Variants in HHIP observed in about 807,000 individuals in gnomAD.
The protein encoded by HHIP is hedgehog interacting protein.
A neutral mutation model predicts 74.0 loss-of-function variants in HHIP; 12 were observed. The observed-to-expected ratio is 0.16, with a 90% CI of 0.10 to 0.26. The LOEUF (loss-of-function observed/expected upper bound fraction) is 0.26. Among genes scored for constraint, HHIP ranks in the 10% least tolerant of loss-of-function variants. The pLI is 1.00. For synonymous variants in HHIP, 309 were observed against 311.6 expected (o/e 0.99, Z 0.09); for missense variants, 788 against 845.0 (o/e 0.93, Z 0.84).
rs1300251965 is a variant in HHIP, at chr4:144,734,829, T to A, written c.1849T>A (p.Cys617Ser). Residue 617 changes from cysteine (C) to serine (S), a missense_variant, in exon 12 of 13, where the codon TGC becomes AGC. Cys to Ser is a moderately radical substitution (Grantham distance 112). Coordinates refer to ENST00000296575, the MANE Select transcript of HHIP (RefSeq NM_022475.3). ...ECSRLCRNGYCTPTGKCCCSP... is the reference protein window; with the variant it reads ...ECSRLCRNGYSTPTGKCCCSP... ...CTCCAGGCTCTGTCGAAACGGCTAC[T>A]GCACCCCCACGGGAAAGTGCTGCTG... The A allele has an allele frequency of 6.2e-7, 1 of 1,613,080 alleles. No homozygotes were observed. The highest frequency in any genetic ancestry group is 1.1e-5 in the South Asian group (1 of 90,974).
At chr4:144,662,798 G>A (rs1335200811) in intron 4 of HHIP, among the ~76,000 whole-genome samples, 10 of 152,286 alleles carry the variant, frequency 6.6e-5, no homozygotes, top group African/African-American at 2.2e-4. Flanking sequence ...TCTCCAGAAA[G>A]AAACACTTCT....
chr4:144,665,839 C>T (rs1452236902), intron 4 of HHIP, among the ~76,000 whole-genome samples: 1 of 152,206 alleles, frequency 6.6e-6, no homozygotes, highest in African/African-American at 2.4e-5. Context: ...GCCCTGCCTT[C>T]TCCTAAATTT....
At chr4:144,656,935 C>T (rs868211546) in intron 2 of HHIP, among the ~76,000 whole-genome samples, 3 of 151,944 alleles carry the variant, frequency 2.0e-5, no homozygotes, top group African/African-American at 7.3e-5. Context: ...AATAACTTTC[C>T]AATTGCCTTG....
rs1731314719 is a variant in HHIP, at chr4:144,743,358, G to C, written c.*5401G>C. 6.6e-6 allele frequency: 1 copy of C among 151,512 alleles called. No homozygotes were observed. Among genetic ancestry groups the C allele is most frequent in the Admixed American group, 6.6e-5 (1 of 15,180 alleles). 9.4% of individuals were successfully genotyped at this position (151,512 alleles called of 1,614,324 possible). On this transcript the variant is annotated 3_prime_UTR_variant, in exon 13 of 13. Transcript: ENST00000296575. ...ATTTACCTTGATTCCCATATAATTT[G>C]TATAAGTCATATATAAGTCCATTGA... is the stretch of plus-strand genomic sequence containing the variant.
intron 4 of HHIP, among the ~76,000 whole-genome samples, chr4:144,693,227 T>G (rs909546257): frequency 6.6e-6 from 1 of 152,062 alleles, no homozygotes; most frequent in African/African-American, 2.4e-5. Context: ...CTCCTTAATT[T>G]TCCATCAGTT....
chr4:144,659,939 A>G (rs1367331950), intron 4 of HHIP, 101 bp downstream of exon 4: 1 of 864,258 alleles, frequency 1.2e-6, no homozygotes, highest in Admixed American at 2.5e-5. Flanking sequence ...AAAAGAAAGA[A>G]TCTTGCAGGA....
intron 11 of HHIP, among the ~76,000 whole-genome samples, chr4:144,725,047 TC>T: frequency 6.6e-6 from 1 of 152,216 alleles, no homozygotes; most frequent in South Asian, 2.1e-4. Context: ...CCCACCACTA[TC>T]TCTTGTAGGA....
At chr4:144,715,454 A>C in intron 10 of HHIP, 24 bp downstream of exon 10, 2 of 1,599,060 alleles carry the variant, frequency 1.3e-6, no homozygotes, top group Admixed American at 3.4e-5. Context: ...TAGTTCTGTT[A>C]AGTTTCATTC....
chr4:144,716,877 A>AAAAAAAAAG (rs1730465795), intron 10 of HHIP, among the ~76,000 whole-genome samples: 1 of 149,586 alleles, frequency 6.7e-6, no homozygotes, highest in Non-Finnish European at 1.5e-5. Context: ...AAAAAAAAAA[A>AAAAAAAAAG]AAAAAAAAAA....
intron 4 of HHIP, among the ~76,000 whole-genome samples, chr4:144,697,604 A>G (rs915303732): frequency 6.6e-6 from 1 of 152,112 alleles, no homozygotes; most frequent in African/African-American, 2.4e-5. Context: ...AATATGCCGT[A>G]ATGTATCACA....
intron 11 of HHIP, among the ~76,000 whole-genome samples, chr4:144,730,593 C>T (rs2126685682): frequency 6.6e-6 from 1 of 152,136 alleles, no homozygotes; most frequent in South Asian, 2.1e-4. Context: ...CCCAATTTTC[C>T]AGTCCAATAA....
chr4:144,689,415 G>A (rs910274529), intron 4 of HHIP, among the ~76,000 whole-genome samples: 9 of 152,144 alleles, frequency 5.9e-5, no homozygotes, highest in African/African-American at 9.7e-5. Flanking sequence ...TAGTGTTACC[G>A]CTTAATACTT....
chr4:144,738,290 T>C lies in HHIP; in HGVS notation c.*333T>C, dbSNP rs1731176986. ...TGTTACTAGAAGAGATTATTTGACT[T>C]CCCAGGAATTTTCTGTCTGTAATCA... On this transcript the variant is annotated 3_prime_UTR_variant, in exon 13 of 13. Coordinates refer to ENST00000296575, the MANE Select transcript of HHIP (RefSeq NM_022475.3). 1.0e-6 allele frequency: 1 copy of C among 982,070 alleles called. No homozygotes were observed. The highest frequency in any genetic ancestry group is 4.7e-5 in the South Asian group (1 of 21,200). 60.8% of individuals were successfully genotyped at this position (982,070 alleles called of 1,614,324 possible). A position where few individuals can be genotyped will look rare whatever the true frequency, so the allele number is the denominator to read the frequency against.
intron 7 of HHIP, among the ~76,000 whole-genome samples, chr4:144,709,490 G>A (rs1029487512): frequency 2.6e-5 from 4 of 152,320 alleles, no homozygotes; most frequent in Admixed American, 1.3e-4. Context: ...CAGACCAGAT[G>A]TGTGGCAAGA....
At chr4:144,681,345 TA>T (rs1351638709) in intron 4 of HHIP, among the ~76,000 whole-genome samples, 1 of 150,272 alleles carries the variant, frequency 6.7e-6, no homozygotes, top group African/African-American at 2.4e-5. Context: ...AAATATGCAC[TA>T]AACATAAAAA....
chr4:144,724,697 A>C (rs9759612), intron 11 of HHIP, among the ~76,000 whole-genome samples: 8 of 31,292 alleles, frequency 2.6e-4, no homozygotes, highest in Non-Finnish European at 6.1e-4. Flanking sequence ...TATATATATA[A>C]GTATATATAT....
chr4:144,702,106 T>C (rs1220983457), intron 4 of HHIP, among the ~76,000 whole-genome samples: 1 of 152,110 alleles, frequency 6.6e-6, no homozygotes, highest in Non-Finnish European at 1.5e-5. Context: ...TGAGCCATGA[T>C]TGTGACACTG....
Position 144,739,763 on chromosome 4 carries a change from G to T in HHIP, c.*1806G>T, listed in dbSNP as rs1726732272. ...AGATTCAATTGACAGTCTATTCAAAGAAGTCTCAGGATTAAATGAGCATGG... is the reference window on the plus strand; with the variant it reads ...AGATTCAATTGACAGTCTATTCAAATAAGTCTCAGGATTAAATGAGCATGG... On this transcript the variant is annotated 3_prime_UTR_variant, in exon 13 of 13. Coordinates refer to ENST00000296575, the MANE Select transcript of HHIP (RefSeq NM_022475.3). The T allele has an allele frequency of 6.6e-6, 1 of 152,198 alleles. No homozygotes were observed. The highest frequency in any genetic ancestry group is 2.1e-4 in the South Asian group (1 of 4,828). The allele number at this position is 152,198 out of a possible 1,614,324, so 9.4% of individuals were successfully genotyped here.
At position 144,739,334 on chromosome 4, in the gene HHIP, G is replaced by A. The variant is rs779809529; in HGVS notation, c.*1377G>A. ...CCTCTTTGCACTAGTGAAAAAACAC[G>A]TCTACTCATGACAAGTGCACACCCA... On this transcript the variant is annotated 3_prime_UTR_variant, in exon 13 of 13. Coordinates refer to ENST00000296575, the MANE Select transcript of HHIP (RefSeq NM_022475.3). 2.8e-4 allele frequency: 42 copies of A among 152,244 alleles called. No individual in the cohort carries two copies. The highest frequency in any genetic ancestry group is 3.4e-3 in the Middle Eastern group (1 of 294). The allele number at this position is 152,244 out of a possible 1,614,324, so 9.4% of individuals were successfully genotyped here.
Sources: gnomAD v4.1 joint callset for allele counts (sites outside exome capture counted in the v4.1 genomes callset) on GRCh38, gnomAD v4.1.1 for gene constraint, MANE v1.5 for transcripts, NCBI Gene and HGNC (gene_info 2026-07-23, HGNC 2026-07-21) for gene names.